ARL15: variants seen among roughly 807,000 people sequenced by gnomAD.
ARL15 encodes ADP-ribosylation factor-like protein 15.
A neutral mutation model predicts 25.2 loss-of-function variants in ARL15; 19 were observed. That is an observed-to-expected ratio of 0.75 (90% CI 0.53 to 1.10). The LOEUF is 1.10. Ranked by LOEUF, ARL15 falls within the 50% of genes least tolerant of loss-of-function variation. The pLI, the probability that ARL15 is intolerant of heterozygous loss-of-function variation, is 0.00. For missense variants in ARL15, 220 were observed against 246.0 expected (o/e 0.89, Z 0.71); for synonymous variants, 94 against 86.8 (o/e 1.08, Z -0.46).
At chr5:53,919,778 A>C (rs919341694) in intron 4 of ARL15, among the ~76,000 whole-genome samples, 7 of 151,924 alleles carry the variant, frequency 4.6e-5, no homozygotes, top group Non-Finnish European at 8.8e-5. Context: ...GGATCAGCTC[A>C]CTCGTTTCTC....
At chr5:54,029,318 C>CACT (rs1749889856) in intron 4 of ARL15, among the ~76,000 whole-genome samples, 1 of 116,092 alleles carries the variant, frequency 8.6e-6, no homozygotes, top group Non-Finnish European at 1.8e-5. Context: ...CCACCACCAC[C>CACT]ACCACCACCA....
In ARL15 at chr5:54,299,839, G is replaced by A. The variant is rs991923217; in HGVS notation, c.48+10593C>T. On this transcript the variant is annotated intron_variant, in intron 1 of 4. Transcript: ENST00000504924. ...CCTGATCTCGGGATACATACACCTC[G>A]GCCTCTCAAAGTGCTGGGATTATAG... is the stretch of plus-strand genomic sequence containing the variant. 6.6e-5 allele frequency among the ~76,000 whole-genome samples: 10 copies of A among 151,704 alleles called. 1 individual carries two copies. The highest frequency in any genetic ancestry group is 1.0e-4 in the Non-Finnish European group (7 of 67,930).
chr5:54,131,719 G>A lies in ARL15; in HGVS notation c.254-18309C>T, dbSNP rs185484731. On this transcript the variant is annotated intron_variant, in intron 3 of 4. Coordinates refer to ENST00000504924, the MANE Select transcript of ARL15 (RefSeq NM_019087.3). ...TGTGCCAAGTACTATACTAGGTGCA[G>A]AGGATACCACATTAGTGTGGCTACA... Among the ~76,000 whole-genome samples, 248 of 152,254 alleles carry A rather than the reference G, an allele frequency of 1.6e-3. 1 individual carries two copies. The highest frequency in any genetic ancestry group is 8.0e-3 in the Admixed American group (122 of 15,280).
chr5:54,245,032 T>C (rs1757055157), intron 1 of ARL15, among the ~76,000 whole-genome samples: 2 of 152,166 alleles, frequency 1.3e-5, no homozygotes, highest in African/African-American at 4.8e-5. Flanking sequence ...GGGAGAGGAA[T>C]ATTCTTCTGT....
At chr5:54,200,696 T>C (rs1755698131) in intron 1 of ARL15, among the ~76,000 whole-genome samples, 1 of 152,202 alleles carries the variant, frequency 6.6e-6, no homozygotes, top group Admixed American at 6.6e-5. Flanking sequence ...ATTCATGGTA[T>C]GACTGAGAGA....
chr5:53,936,264 T>A (rs1345345336), intron 4 of ARL15, among the ~76,000 whole-genome samples: 1 of 152,224 alleles, frequency 6.6e-6, no homozygotes, highest in African/African-American at 2.4e-5. Flanking sequence ...TCGTACTTTA[T>A]GTTTTTTGTG....
In ARL15 at chr5:54,198,570, C is replaced by T. The variant is rs1179700642; in HGVS notation, c.49-26642G>A. ...AATTGCTTCAAAGAGAATAAAATACCTAGGAATCCACCTTACAAGGGACGT... is the reference window on the plus strand; with the variant it reads ...AATTGCTTCAAAGAGAATAAAATACTTAGGAATCCACCTTACAAGGGACGT... On this transcript the variant is annotated intron_variant, in intron 1 of 4. Coordinates refer to ENST00000504924, the MANE Select transcript of ARL15 (RefSeq NM_019087.3). 2.0e-5 allele frequency among the ~76,000 whole-genome samples: 3 copies of T among 147,546 alleles called. No individual in the cohort carries two copies. The East Asian group carries it at 5.8e-4, about 29-fold the overall frequency.
intron 4 of ARL15, among the ~76,000 whole-genome samples, chr5:54,045,378 T>C (rs1750473907): frequency 6.6e-6 from 1 of 152,196 alleles, no homozygotes; most frequent in African/African-American, 2.4e-5. Flanking sequence ...TCATAACCTT[T>C]GGCTAAATTT....
At chr5:54,045,139 G>A (rs1414043318) in intron 4 of ARL15, among the ~76,000 whole-genome samples, 2 of 152,106 alleles carry the variant, frequency 1.3e-5, no homozygotes, top group Non-Finnish European at 1.5e-5. Context: ...TGTACCAAAC[G>A]TGGCACTCCT....
At chr5:54,105,694 T>A (rs537362978) in intron 4 of ARL15, among the ~76,000 whole-genome samples, 1 of 152,142 alleles carries the variant, frequency 6.6e-6, no homozygotes, top group Non-Finnish European at 1.5e-5. Flanking sequence ...GCAATTCTCC[T>A]GCCTCAGCCT....
intron 1 of ARL15, among the ~76,000 whole-genome samples, chr5:54,240,923 C>G (rs1756942172): frequency 6.6e-6 from 1 of 152,078 alleles, no homozygotes; most frequent in African/African-American, 2.4e-5. Flanking sequence ...ATCCAAAAGC[C>G]AAAACACTTC....
chr5:54,223,970 ACG>A (rs1427816382), intron 1 of ARL15, among the ~76,000 whole-genome samples: 7 of 152,172 alleles, frequency 4.6e-5, no homozygotes, highest in African/African-American at 1.4e-4. Flanking sequence ...AGCAAAAAGT[ACG>A]CATCAGTACA....
chr5:54,239,988 G>C (rs887732556), intron 1 of ARL15, among the ~76,000 whole-genome samples: 8 of 152,202 alleles, frequency 5.3e-5, no homozygotes, highest in South Asian at 4.1e-4. Context: ...AGCACTTTGG[G>C]AGGCCGAGGC....
At chr5:54,099,791 C>T (rs1256389375) in intron 4 of ARL15, among the ~76,000 whole-genome samples, 3 of 152,086 alleles carry the variant, frequency 2.0e-5, no homozygotes, top group Admixed American at 6.6e-5. Flanking sequence ...TTAATCCTCA[C>T]CATTCACTAC....
chr5:54,182,400 T>C (rs1413493890), intron 1 of ARL15, among the ~76,000 whole-genome samples: 2 of 147,028 alleles, frequency 1.4e-5, no homozygotes. Context: ...ATTTATTAAA[T>C]AGGGAATCCT....
At chr5:54,089,846 T>C (rs1389019177) in intron 4 of ARL15, among the ~76,000 whole-genome samples, 3 of 152,216 alleles carry the variant, frequency 2.0e-5, no homozygotes, top group Non-Finnish European at 4.4e-5. Flanking sequence ...CTAGGTTTTC[T>C]GGCTACAAAA....
At chr5:53,954,236 T>C (rs780217240) in intron 4 of ARL15, among the ~76,000 whole-genome samples, 8 of 152,126 alleles carry the variant, frequency 5.3e-5, no homozygotes, top group Non-Finnish European at 1.2e-4. Context: ...TGGTATGACA[T>C]ACAGGCAAGG....
chr5:54,238,585 T>G (rs1756870502), intron 1 of ARL15, among the ~76,000 whole-genome samples: 1 of 152,198 alleles, frequency 6.6e-6, no homozygotes, highest in Admixed American at 6.6e-5. Context: ...AAAGCCATCT[T>G]AAGTTTATAT....
In ARL15 at chr5:54,085,746, T is replaced by C. The variant is rs1390574972; in HGVS notation, c.462+27456A>G. Reference sequence around the variant, plus strand: ...AAGATATTCTTGGTATCTGGAACACTGTAGTTGCTTCCATTGTCTTTGGCA... The same window carrying C: ...AAGATATTCTTGGTATCTGGAACACCGTAGTTGCTTCCATTGTCTTTGGCA... On this transcript the variant is annotated intron_variant, in intron 4 of 4. Coordinates refer to ENST00000504924, the MANE Select transcript of ARL15 (RefSeq NM_019087.3). Among the ~76,000 whole-genome samples the C allele has an allele frequency of 2.6e-5, 4 of 152,206 alleles. No individual in the cohort carries two copies. The East Asian group carries it at 7.7e-4, about 29-fold the overall frequency.
Sources: gnomAD v4.1 joint callset for allele counts (sites outside exome capture counted in the v4.1 genomes callset) on GRCh38, gnomAD v4.1.1 for gene constraint, MANE v1.5 for transcripts, NCBI Gene and HGNC (gene_info 2026-07-23, HGNC 2026-07-21) for gene names.